P4HA1: variants seen among roughly 807,000 people sequenced by gnomAD.
P4HA1 encodes the protein prolyl 4-hydroxylase subunit alpha-1.
In P4HA1, 24 loss-of-function variants were observed where a neutral mutation model predicts 72.8. The ratio of observed to expected loss-of-function variants is 0.33; its 90% CI spans 0.24 to 0.46. P4HA1 has a LOEUF of 0.46. Among genes scored for constraint, P4HA1 ranks in the 20% least tolerant of loss-of-function variants. The pLI is 1.00. For missense variants in P4HA1, 446 were observed against 640.6 expected (o/e 0.70, Z 3.28); for synonymous variants, 201 against 218.8 (o/e 0.92, Z 0.72).
rs1840883103 is a variant in P4HA1 at position 73,047,093 on chromosome 10, C to T, written c.909G>A (p.Arg303=). The T allele has an allele frequency of 1.2e-6, 2 of 1,609,126 alleles. No homozygotes were observed. The highest frequency in any genetic ancestry group is 1.7e-5 in the Admixed American group (1 of 59,914). The stretch of plus-strand genomic sequence containing the variant: ...AGCGGCAAAAGAGTTTTTTCTGTCT[C>T]CGAGGGGTCTAAACATAAAGTTAAG... ...CRGEGIKMTP[R]RQKKLFCRYH... is the part of the protein sequence containing the mutation. The change falls in exon 8 of 15, where the codon CGG becomes CGA. Residue 303 remains arginine (R), a synonymous_variant. Transcript: ENST00000394890.
chr10:73,008,104 A>G lies in P4HA1; in HGVS notation c.*118T>C, dbSNP rs1839832228. ...ACAGATGAAACATGGGATGAGGTTCATGACTGAATCAATCATGGAGTGTTA... is the reference window on the plus strand; with the variant it reads ...ACAGATGAAACATGGGATGAGGTTCGTGACTGAATCAATCATGGAGTGTTA... On this transcript the variant is annotated 3_prime_UTR_variant, in exon 15 of 15. Transcript: ENST00000394890. The G allele has an allele frequency of 1.6e-6, 1 of 608,912 alleles. No individual in the cohort carries two copies. Among genetic ancestry groups the G allele is most frequent in the East Asian group, 2.6e-5 (1 of 38,348 alleles). 37.7% of individuals were successfully genotyped at this position (608,912 alleles called of 1,614,324 possible).
chr10:73,016,092 A>G (rs1161376458), intron 11 of P4HA1, among the ~76,000 whole-genome samples: 1 of 152,112 alleles, frequency 6.6e-6, no homozygotes, highest in Non-Finnish European at 1.5e-5. Context: ...TGCATTGTCC[A>G]ATTTAAGCAA....
In P4HA1 at chr10:73,096,759, G is replaced by T. The variant is rs56705460; in HGVS notation, c.-33+7C>A. ...CCTCAGTCTCCGGGATCGAGGGAGC[G>T]TCTCACCTGGAAAGTGGGACGAGAG... On this transcript the variant is annotated splice_region_variant and intron_variant, in intron 1 of 14. Coordinates refer to ENST00000394890, the MANE Select transcript of P4HA1 (RefSeq NM_001017962.3). 7,303 of 153,342 alleles carry T rather than the reference G, an allele frequency of 0.048. 552 individuals are homozygous for T. Among genetic ancestry groups the T allele is most frequent in the African/African-American group, 0.16 (6,595 of 41,524 alleles). The allele number at this position is 153,342 out of a possible 1,614,324, so 9.5% of individuals were successfully genotyped here.
chr10:73,087,474 C>T (rs1278703254), intron 1 of P4HA1, among the ~76,000 whole-genome samples: 1 of 151,832 alleles, frequency 6.6e-6, no homozygotes, highest in Non-Finnish European at 1.5e-5. Flanking sequence ...CTATGTTGGC[C>T]GGGCTAGTCT....
At chr10:73,028,671 G>A (rs1840353906) in intron 10 of P4HA1, among the ~76,000 whole-genome samples, 1 of 151,952 alleles carries the variant, frequency 6.6e-6, no homozygotes, top group African/African-American at 2.4e-5. Flanking sequence ...CTGACTTCAG[G>A]TGATCCACCT....
At chr10:73,027,105 C>T (rs190897339) in intron 10 of P4HA1, among the ~76,000 whole-genome samples, 2 of 152,236 alleles carry the variant, frequency 1.3e-5, no homozygotes, top group African/African-American at 4.8e-5. Flanking sequence ...TGGGTAAATA[C>T]CCAAAGGATT....
intron 12 of P4HA1, among the ~76,000 whole-genome samples, chr10:73,013,671 T>C (rs1426202431): frequency 6.6e-6 from 1 of 152,160 alleles, no homozygotes; most frequent in East Asian, 1.9e-4. Context: ...TTTCCATATA[T>C]AAAAATATAT....
intron 12 of P4HA1, among the ~76,000 whole-genome samples, chr10:73,011,257 A>G (rs1253899350): frequency 6.6e-6 from 1 of 152,256 alleles, no homozygotes; most frequent in Admixed American, 6.5e-5. Flanking sequence ...TGAATAACAA[A>G]AAACTATCAG....
rs573274240 is a variant in P4HA1 at position 73,073,315 on chromosome 10, G to A, written c.173+416C>T. On this transcript the variant is annotated intron_variant, in intron 3 of 14. Coordinates refer to ENST00000394890, the MANE Select transcript of P4HA1 (RefSeq NM_001017962.3). ...TGGCTCACTGCAGCCTCCACCTCCC[G>A]GGTTCAAGTGATTCTCCCACCTTAG... Among the ~76,000 whole-genome samples, 16 of 147,790 alleles carry A rather than the reference G, an allele frequency of 1.1e-4. No homozygotes were observed. The South Asian group carries it at 2.4e-3, about 22-fold the overall frequency.
In P4HA1 at chr10:73,041,548, C is replaced by CA. The variant is rs774231072; in HGVS notation, c.1148+3432dup. 8.8e-3 allele frequency among the ~76,000 whole-genome samples: 972 copies of CA among 110,062 alleles called. 4 individuals carry two copies. Among genetic ancestry groups the CA allele is most frequent in the South Asian group, 0.015 (49 of 3,360 alleles). The allele number at this position is 110,062 out of a possible 152,430, so 72.2% of individuals were successfully genotyped here. A position where few individuals can be genotyped will look rare whatever the true frequency, so the allele number is the denominator to read the frequency against. On this transcript the variant is annotated intron_variant, in intron 9 of 14. Transcript: ENST00000394890. The stretch of plus-strand genomic sequence containing the variant: ...ACAGAGCAAGACTCCATCCCCCCCC[C>CA]AAAAAAAAAAAAAAAGAATTCTCTG...
At chr10:73,053,328 T>C (rs1462074888) in intron 6 of P4HA1, 23 bp downstream of exon 6, 1 of 1,610,600 alleles carries the variant, frequency 6.2e-7, no homozygotes, top group African/African-American at 1.3e-5. Context: ...ACTATAACCT[T>C]AAATTAGGCC....
chr10:73,016,608 C>T (rs1384338907), intron 11 of P4HA1, among the ~76,000 whole-genome samples: 1 of 152,174 alleles, frequency 6.6e-6, no homozygotes, highest in Non-Finnish European at 1.5e-5. Context: ...GAAACCCTGT[C>T]GCTACTAAAA....
At chr10:73,084,484 T>C (rs768823092) in intron 1 of P4HA1, among the ~76,000 whole-genome samples, 2 of 152,140 alleles carry the variant, frequency 1.3e-5, no homozygotes, top group African/African-American at 2.4e-5. Flanking sequence ...TTTTATTTGT[T>C]GTAGAGTTGG....
intron 5 of P4HA1, among the ~76,000 whole-genome samples, chr10:73,063,649 A>G (rs1841360742): frequency 6.6e-6 from 1 of 152,224 alleles, no homozygotes; most frequent in African/African-American, 2.4e-5. Flanking sequence ...GGACATGCAA[A>G]ACACATAAGA....
intron 5 of P4HA1, among the ~76,000 whole-genome samples, chr10:73,061,745 A>G (rs1418583567): frequency 6.6e-6 from 1 of 151,978 alleles, no homozygotes; most frequent in African/African-American, 2.4e-5. Context: ...TAGCCTGAGC[A>G]ATAAAGTGAG....
intron 1 of P4HA1, among the ~76,000 whole-genome samples, chr10:73,078,604 T>A: frequency 7.4e-6 from 1 of 134,946 alleles, no homozygotes; most frequent in Non-Finnish European, 1.6e-5. Flanking sequence ...TAGGTAATTT[T>A]TTTTTTTTTT....
chr10:73,030,367 G>A lies in P4HA1; in HGVS notation c.1152C>T (p.Ala384=). The A allele has an allele frequency of 6.5e-7, 1 of 1,535,912 alleles. No individual in the cohort carries two copies. The highest frequency in any genetic ancestry group is 8.9e-7 in the Non-Finnish European group (1 of 1,121,050). The stretch of plus-strand genomic sequence containing the variant: ...CAGGATTTTCATAGCCAGAGAGCCA[G>A]GCACTAAGAATAAGAGGAATATTAG... ...ETVHYRISKS[A]WLSGYENPVV... is the part of the protein sequence containing the mutation. Residue 384 remains alanine (A), a synonymous_variant, in exon 10 of 15, where the codon GCC becomes GCT. Transcript: ENST00000394890.
At chr10:73,076,075 TA>T (rs987322309) in intron 1 of P4HA1, among the ~76,000 whole-genome samples, 1 of 151,936 alleles carries the variant, frequency 6.6e-6, no homozygotes, top group Non-Finnish European at 1.5e-5. Flanking sequence ...ACCCCATCTC[TA>T]AAAAACATGA....
intron 9 of P4HA1, among the ~76,000 whole-genome samples, chr10:73,035,463 C>T (rs1840548054): frequency 6.6e-6 from 1 of 152,086 alleles, no homozygotes; most frequent in African/African-American, 2.4e-5. Context: ...TTCGAGGTTG[C>T]TATGCCCACA....
Sources: gnomAD v4.1 joint callset for allele counts (sites outside exome capture counted in the v4.1 genomes callset) on GRCh38, gnomAD v4.1.1 for gene constraint, MANE v1.5 for transcripts, NCBI Gene and HGNC (gene_info 2026-07-23, HGNC 2026-07-21) for gene names.